DPF3: variants seen among roughly 807,000 people sequenced by gnomAD.
The protein encoded by DPF3 is double PHD fingers 3, also known as zinc finger protein DPF3.
In DPF3, 18 loss-of-function variants were observed where a neutral mutation model predicts 56.8. That is an observed-to-expected ratio of 0.32 (90% CI 0.22 to 0.47). The LOEUF is 0.47. Among genes scored for constraint, DPF3 ranks in the 20% least tolerant of loss-of-function variants. The pLI is 1.00. For missense variants in DPF3, 403 were observed against 488.8 expected (o/e 0.82, Z 1.65); for synonymous variants, 188 against 180.2 (o/e 1.04, Z -0.35).
chr14:72,780,125 C>T (rs976468859), intron 1 of DPF3, among the ~76,000 whole-genome samples: 1 of 152,230 alleles, frequency 6.6e-6, no homozygotes. Flanking sequence ...ATGAAACAGA[C>T]AGCCCTACCC....
intron 6 of DPF3, among the ~76,000 whole-genome samples, chr14:72,699,105 G>C (rs1213560690): frequency 3.9e-5 from 6 of 152,160 alleles, no homozygotes; most frequent in Non-Finnish European, 7.3e-5. Context: ...TTATAAGTAT[G>C]GGGAAAAGTG....
At chr14:72,751,324 G>A (rs901301572) in intron 3 of DPF3, among the ~76,000 whole-genome samples, 1 of 152,130 alleles carries the variant, frequency 6.6e-6, no homozygotes, top group Admixed American at 6.5e-5. Context: ...GTCATGTCAG[G>A]GTGACATGTA....
At chr14:72,648,691 T>A (rs1478842053) in intron 8 of DPF3, among the ~76,000 whole-genome samples, 1 of 151,514 alleles carries the variant, frequency 6.6e-6, no homozygotes, top group Non-Finnish European at 1.5e-5. Flanking sequence ...CGGTCTCAGC[T>A]CCTAACCCAA....
At chr14:72,778,573 C>T (rs999484702) in intron 1 of DPF3, among the ~76,000 whole-genome samples, 7 of 152,112 alleles carry the variant, frequency 4.6e-5, no homozygotes, top group African/African-American at 1.7e-4. Context: ...AAATGTAATG[C>T]ACTTGAATCA....
chr14:72,665,979 G>A (rs1357142733), intron 8 of DPF3, among the ~76,000 whole-genome samples: 3 of 152,148 alleles, frequency 2.0e-5, no homozygotes, highest in Non-Finnish European at 4.4e-5. Flanking sequence ...AATTGCCAAT[G>A]TTTTTTATCT....
chr14:72,711,817 C>T (rs1888664103), intron 6 of DPF3, among the ~76,000 whole-genome samples: 1 of 151,940 alleles, frequency 6.6e-6, no homozygotes, highest in South Asian at 2.1e-4. Flanking sequence ...GAAGAAAGGG[C>T]AGCTTATGGT....
rs112104189 is a variant in DPF3, at chr14:72,774,222, C to A, written c.33-2329G>T. Among the ~76,000 whole-genome samples the A allele has an allele frequency of 2.0e-3, 285 of 142,956 alleles. 2 individuals carry two copies. Among genetic ancestry groups the A allele is most frequent in the African/African-American group, 7.2e-3 (276 of 38,082 alleles). 93.8% of individuals were successfully genotyped at this position (142,956 alleles called of 152,430 possible). A position where few individuals can be genotyped will look rare whatever the true frequency, so the allele number is the denominator to read the frequency against. On this transcript the variant is annotated intron_variant, in intron 1 of 10. Transcript: ENST00000556509. ...AAGGTTGTGGTGAGTTGGGATTGTG[C>A]CACTGCACTCCAGCCTGGGCGACAG...
chr14:72,767,403 T>C (rs1315445557), intron 2 of DPF3, among the ~76,000 whole-genome samples: 1 of 152,016 alleles, frequency 6.6e-6, no homozygotes, highest in East Asian at 1.9e-4. Context: ...CGAGCAATTA[T>C]GAACACATAA....
chr14:72,703,329 G>A (rs1888260989), intron 6 of DPF3, among the ~76,000 whole-genome samples: 1 of 152,174 alleles, frequency 6.6e-6, no homozygotes, highest in Non-Finnish European at 1.5e-5. Context: ...CACATTTCTT[G>A]GGGCCTGGTG....
chr14:72,621,903 G>A (rs1884473354), intron 9 of DPF3, among the ~76,000 whole-genome samples: 1 of 152,208 alleles, frequency 6.6e-6, no homozygotes, highest in Non-Finnish European at 1.5e-5. Flanking sequence ...GCAGACTCAT[G>A]GGAGGGAGAG....
At chr14:72,723,554 G>T in intron 5 of DPF3, 79 bp downstream of exon 5, 2 of 1,171,088 alleles carry the variant, frequency 1.7e-6, no homozygotes, top group Non-Finnish European at 2.4e-6. Flanking sequence ...TTTCCATCTA[G>T]CTGCAGTGGA....
intron 7 of DPF3, among the ~76,000 whole-genome samples, chr14:72,676,126 A>T (rs1224757935): frequency 6.6e-6 from 1 of 152,216 alleles, no homozygotes. Context: ...ATGGAAAACT[A>T]TCAAATGGTG....
At chr14:72,673,153 C>A (rs542727645) in intron 8 of DPF3, among the ~76,000 whole-genome samples, 1 of 152,242 alleles carries the variant, frequency 6.6e-6, no homozygotes, top group African/African-American at 2.4e-5. Context: ...CCCTAAACAG[C>A]CCTACCATCA....
chr14:72,862,710 G>T (rs1295729292), intron 1 of DPF3, among the ~76,000 whole-genome samples: 2 of 152,066 alleles, frequency 1.3e-5, no homozygotes, highest in African/African-American at 4.8e-5. Context: ...CCTCTGACTT[G>T]AATCCTCTTC....
chr14:72,755,565 G>A (rs1890757204), intron 2 of DPF3, among the ~76,000 whole-genome samples: 1 of 152,182 alleles, frequency 6.6e-6, no homozygotes, highest in Non-Finnish European at 1.5e-5. Context: ...TCCTGGGGCT[G>A]TTATGGGGAT....
intron 1 of DPF3, among the ~76,000 whole-genome samples, chr14:72,872,691 C>T (rs1444286048): frequency 6.6e-6 from 1 of 152,272 alleles, no homozygotes; most frequent in South Asian, 2.1e-4. Context: ...GCTACAGTAA[C>T]CAAAACAGCA....
intron 8 of DPF3, among the ~76,000 whole-genome samples, chr14:72,659,804 T>A (rs4903043): frequency 0.012 from 1,797 of 152,348 alleles, 78 homozygotes; most frequent in East Asian, 0.086. Flanking sequence ...CATTTTACTC[T>A]GTGTTCATCA....
In DPF3 at chr14:72,815,013, C is replaced by G. The variant is rs142092859; in HGVS notation, c.33-43120G>C. 1.6e-4 allele frequency among the ~76,000 whole-genome samples: 24 copies of G among 152,238 alleles called. No individual in the cohort carries two copies. The East Asian group carries it at 4.6e-3, about 29-fold the overall frequency. On this transcript the variant is annotated intron_variant, in intron 1 of 10. Coordinates refer to ENST00000556509, the MANE Select transcript of DPF3 (RefSeq NM_001280542.3). ...TTCACCAACATTTTAAATGTCTACT[C>G]TTTGAAAGGCACTAATATGAAAATG...
chr14:72,779,310 C>A (rs1256991047), intron 1 of DPF3, among the ~76,000 whole-genome samples: 1 of 152,352 alleles, frequency 6.6e-6, no homozygotes, highest in East Asian at 1.9e-4. Flanking sequence ...CTGTAGTCCT[C>A]ATCACCCAGC....
Sources: gnomAD v4.1 joint callset for allele counts (sites outside exome capture counted in the v4.1 genomes callset) on GRCh38, gnomAD v4.1.1 for gene constraint, MANE v1.5 for transcripts, NCBI Gene and HGNC (gene_info 2026-07-23, HGNC 2026-07-21) for gene names.